The following DNAH10 variants were observed in gnomAD, a reference collection of about 807,000 sequenced individuals.
The protein encoded by DNAH10 is axonemal beta dynein heavy chain 10.
DNAH10 carries 348 observed loss-of-function variants against 506.6 expected under a neutral mutation model. The ratio of observed to expected loss-of-function variants is 0.69; its 90% CI spans 0.63 to 0.75. The LOEUF (loss-of-function observed/expected upper bound fraction) is 0.75. Ranked by LOEUF, DNAH10 falls within the 30% of genes least tolerant of loss-of-function variation. DNAH10 has a pLI of 0.00. For synonymous variants in DNAH10, 2,059 were observed against 2,198.6 expected (o/e 0.94, Z 1.78); for missense variants, 5,179 against 5,787.1 (o/e 0.89, Z 3.41).
In DNAH10 at chr12:123,928,380, G is replaced by C. The variant is rs567680731; in HGVS notation, c.12106-7G>C. On this transcript the variant is annotated splice_polypyrimidine_tract_variant and splice_region_variant and intron_variant, in intron 69 of 78. Transcript: ENST00000673944. The surrounding 1 kb of genome is among the most constrained non-coding windows in gnomAD (Gnocchi z 4.9). The stretch of plus-strand genomic sequence containing the variant: ...ACCCCTCTCCTCTTCCCTCTCCCCC[G>C]GCGCAGGTGGCCCTGCAGCTGCTGG... 1 of 1,583,084 alleles carries C rather than the reference G, an allele frequency of 6.3e-7. No homozygotes were observed. Among genetic ancestry groups the C allele is most frequent in the South Asian group, 1.2e-5 (1 of 86,568 alleles).
chr12:123,868,560 A>G (rs927210790), intron 43 of DNAH10, among the ~76,000 whole-genome samples: 1 of 152,242 alleles, frequency 6.6e-6, no homozygotes, highest in South Asian at 2.1e-4. Context: ...GGATTTGTAA[A>G]TCGTTCATAG....
intron 55 of DNAH10, 97 bp downstream of exon 55, chr12:123,898,064 A>G: frequency 2.6e-6 from 3 of 1,174,332 alleles, no homozygotes; most frequent in Non-Finnish European, 3.5e-6. Context: ...GGGCATCTTC[A>G]GTATTGAGGC....
intron 55 of DNAH10, 108 bp downstream of exon 55, chr12:123,898,075 C>A: frequency 3.9e-6 from 4 of 1,033,888 alleles, no homozygotes; most frequent in East Asian, 2.9e-5. Flanking sequence ...GTATTGAGGC[C>A]AAACGAAGCA....
At chr12:123,819,384 C>A in intron 23 of DNAH10, 134 bp downstream of exon 23, 1 of 695,280 alleles carries the variant, frequency 1.4e-6, no homozygotes, top group Non-Finnish European at 2.4e-6. Context: ...ATACTTTTTT[C>A]TTGGCTCATT....
rs776964844 is a variant in DNAH10 at position 123,916,613 on chromosome 12, A to G, written c.10879A>G (p.Ile3627Val). The stretch of plus-strand genomic sequence containing the variant: ...AAAAGTCTCCCAAGGACGGCAGTTT[A>G]TTATCCTGGGAGACAAGGAAGTGGA... The part of the protein sequence containing the change: ...NIKVSQGRQF[I>V]ILGDKEVDYD... Residue 3627 changes from isoleucine to valine, a missense_variant, in exon 63 of 79, where the codon ATT (isoleucine) becomes GTT (valine). By Grantham distance (29) the Ile-to-Val change is conservative. This residue lies in a region of DNAH10 where 4,844 missense variants were observed against 5,430.5 expected (regional missense o/e 0.89). Coordinates refer to ENST00000673944, the MANE Select transcript of DNAH10 (RefSeq NM_001372106.1). This position sits in a 1 kb window ranked among gnomAD's most constrained non-coding sequence, Gnocchi z 4.6. The G allele has an allele frequency of 5.6e-6, 9 of 1,613,812 alleles. No homozygotes were observed. Among genetic ancestry groups the G allele is most frequent in the Middle Eastern group, 1.6e-4 (1 of 6,084 alleles).
intron 28 of DNAH10, among the ~76,000 whole-genome samples, chr12:123,836,513 G>A (rs1321125216): frequency 6.6e-6 from 1 of 152,186 alleles, no homozygotes; most frequent in Non-Finnish European, 1.5e-5. Flanking sequence ...AAAAAGGGTT[G>A]GACTGGTCAT....
chr12:123,879,584 G>C (rs1317312), intron 49 of DNAH10, 50 bp from the exon 50 acceptor site: 822,495 of 1,607,560 alleles, frequency 0.51, 212,782 homozygotes, highest in African/African-American at 0.55. Flanking sequence ...CAAGTTTCAG[G>C]CCGTGTACTG....
At chr12:123,827,695 A>G (rs1264748279) in intron 25 of DNAH10, among the ~76,000 whole-genome samples, 1 of 152,156 alleles carries the variant, frequency 6.6e-6, no homozygotes, top group Admixed American at 6.5e-5. Flanking sequence ...CATTTTCCCT[A>G]GTGAGAAAGT....
At chr12:123,800,436 G>C (rs1405975593) in intron 15 of DNAH10, 48 bp downstream of exon 15, 7 of 1,573,774 alleles carry the variant, frequency 4.4e-6, no homozygotes, top group Non-Finnish European at 6.1e-6. Context: ...TTGTTCTTGG[G>C]ACCCCTTTAC....
At chr12:123,877,130 A>G (rs1952289296) in intron 47 of DNAH10, among the ~76,000 whole-genome samples, 1 of 151,740 alleles carries the variant, frequency 6.6e-6, no homozygotes, top group African/African-American at 2.4e-5. Context: ...CTCCCATCCC[A>G]CCTCTCATTC....
At chr12:123,883,662 C>T (rs912378964) in intron 51 of DNAH10, among the ~76,000 whole-genome samples, 3 of 152,160 alleles carry the variant, frequency 2.0e-5, no homozygotes, top group African/African-American at 7.2e-5. Flanking sequence ...GAAAAGTGTA[C>T]CCTAAAATGC....
At position 123,875,384 on chromosome 12, in the gene DNAH10, G is replaced by T; in HGVS notation, c.8092G>T (p.Glu2698Ter). ...AMGKAGGGRN[E>*]VDPRFISLFS... ...GGGAAAGGCTGGAGGAGGCCGCAATGAAGTTGACCCAAGATTTATTTCGCT... is the reference window on the plus strand; with the variant it reads ...GGGAAAGGCTGGAGGAGGCCGCAATTAAGTTGACCCAAGATTTATTTCGCT... Residue 2698 changes from glutamate to a stop codon, truncating the protein, a stop_gained, in exon 47 of 79, where the codon GAA (glutamate) becomes TAA (stop). Transcript: ENST00000673944. LOFTEE classifies it high-confidence loss of function. 1 of 1,614,056 alleles carries T rather than the reference G, an allele frequency of 6.2e-7. No individual in the cohort carries two copies. The highest frequency in any genetic ancestry group is 8.5e-7 in the Non-Finnish European group (1 of 1,179,888).
chr12:123,934,646 G>A lies in DNAH10; in HGVS notation c.13503G>A (p.Leu4501=), dbSNP rs368351210. The change falls in exon 78 of 79, where the codon CTG becomes CTA. Residue 4501 remains leucine (L), a synonymous_variant. Coordinates refer to ENST00000673944, the MANE Select transcript of DNAH10 (RefSeq NM_001372106.1). ...GATGCTTTGTCTCAGGACTGTACCT[G>A]GAAGGTGCTGACTGGGATATAGAAA... The part of the protein sequence containing the change: ...GQGCFVSGLY[L]EGADWDIEKG... The A allele has an allele frequency of 1.2e-6, 2 of 1,613,698 alleles. No homozygotes were observed. Among genetic ancestry groups the A allele is most frequent in the Non-Finnish European group, 1.7e-6 (2 of 1,179,774 alleles).
chr12:123,924,536 AC>A, intron 67 of DNAH10, 104 bp downstream of exon 67: 1 of 1,422,232 alleles, frequency 7.0e-7, no homozygotes, highest in Non-Finnish European at 9.5e-7. Flanking sequence ...CCTTTGAGTA[AC>A]CCATTCAGTG....
In DNAH10 at chr12:123,928,602, T is replaced by A; in HGVS notation, c.12306+15T>A. On this transcript the variant is annotated intron_variant, in intron 70 of 78. Transcript: ENST00000673944. The surrounding 1 kb of genome is among the most constrained non-coding windows in gnomAD (Gnocchi z 4.9). ...AGTCCCTAAAGGTCTGGCTTCAGGA[T>A]GGACATCAACATGCCAGCACGCAGC... 1 of 1,583,744 alleles carries A rather than the reference T, an allele frequency of 6.3e-7. No individual in the cohort carries two copies. The highest frequency in any genetic ancestry group is 8.6e-7 in the Non-Finnish European group (1 of 1,164,980).
intron 43 of DNAH10, among the ~76,000 whole-genome samples, chr12:123,869,612 C>T (rs1415796212): frequency 2.0e-5 from 3 of 152,228 alleles, no homozygotes; most frequent in Admixed American, 1.3e-4. Context: ...ATCTCTCCTT[C>T]CAGCTGAAAA....
Position 123,930,516 on chromosome 12 carries a change from CG to C in DNAH10, c.12729del (p.Asn4244ThrfsTer82). On this transcript the variant is annotated frameshift_variant, in exon 73 of 79. Transcript: ENST00000673944. LOFTEE classifies it high-confidence loss of function. The stretch of plus-strand genomic sequence containing the variant: ...TACTTTCCAGCCATTCCACTTCTTC[CG>C]GAACAAGGAAGTGGACTACAAAATC... ...FDTFQPFHFF[R>X]NKEVDYKIPV... 1 of 1,609,700 alleles carries C rather than the reference CG, an allele frequency of 6.2e-7. No individual in the cohort carries two copies. Among genetic ancestry groups the C allele is most frequent in the East Asian group, 2.2e-5 (1 of 44,704 alleles).
chr12:123,864,847 G>A (rs941997372), intron 40 of DNAH10, 117 bp downstream of exon 40: 2 of 1,233,056 alleles, frequency 1.6e-6, no homozygotes, highest in African/African-American at 1.5e-5. Context: ...AATGCATAAG[G>A]GTTTATAATG....
At position 123,898,671 on chromosome 12, in the gene DNAH10, A is replaced by G; in HGVS notation, c.9497A>G (p.Asp3166Gly). Residue 3166 changes from aspartate to glycine, a missense_variant, in exon 56 of 79, where the codon GAT (aspartate) becomes GGT (glycine). Asp to Gly is a moderately conservative substitution (Grantham distance 94, BLOSUM62 -1). Transcript: ENST00000673944. ...QCNIAQCKRL[D>G]GGLDKLKEAT... ...TCCTCAGCTCAGTGCAAGCGTCTGG[A>G]TGGGGGACTGGACAAGCTGAAGGAG... 1 of 1,590,122 alleles carries G rather than the reference A, an allele frequency of 6.3e-7. No homozygotes were observed. Among genetic ancestry groups the G allele is most frequent in the South Asian group, 1.1e-5 (1 of 87,086 alleles).
Sources: allele counts gnomAD v4.1 joint callset (sites outside exome capture counted in the v4.1 genomes callset), GRCh38; gene constraint gnomAD v4.1.1; regional missense constraint gnomAD v4.1.1; non-coding constraint Gnocchi (gnomAD v3.1); transcripts MANE v1.5; gene names NCBI Gene and HGNC (gene_info 2026-07-23, HGNC 2026-07-21).